The following DPP4 variants were observed in gnomAD, a reference collection of about 807,000 sequenced individuals.
DPP4 encodes ADCP-2.
Under a neutral mutation model 122.4 loss-of-function variants are expected in DPP4, and 93 were observed. That is an observed-to-expected ratio of 0.76 (90% CI 0.64 to 0.90). The LOEUF (loss-of-function observed/expected upper bound fraction) is 0.90, where lower values mean the gene tolerates loss of function less well. Among genes scored for constraint, DPP4 ranks in the 40% least tolerant of loss-of-function variants. DPP4 has a pLI of 0.00. For synonymous variants in DPP4, 321 were observed against 302.9 expected (o/e 1.06, Z -0.62); for missense variants, 914 against 907.3 (o/e 1.01, Z -0.09).
rs558831167 is a variant in DPP4 at position 162,019,351 on chromosome 2, C to T, written c.1245-75G>A. Reference sequence around the variant, plus strand: ...TCAGAGGCGATCCACCGCACTCAGACCCCAAGCCTAAGTGTGCACGGAGCG... The same window carrying T: ...TCAGAGGCGATCCACCGCACTCAGATCCCAAGCCTAAGTGTGCACGGAGCG... On this transcript the variant is annotated intron_variant, in intron 14 of 25. Coordinates refer to ENST00000360534, the MANE Select transcript of DPP4 (RefSeq NM_001935.4). 4.7e-6 allele frequency: 5 copies of T among 1,057,820 alleles called. No individual in the cohort carries two copies. The African/African-American group carries it at 4.9e-5, about 10-fold the overall frequency. 65.5% of individuals were successfully genotyped at this position (1,057,820 alleles called of 1,614,324 possible). A position where few individuals can be genotyped will look rare whatever the true frequency, so the allele number is the denominator to read the frequency against.
chr2:162,017,128 T>C lies in DPP4; in HGVS notation c.1448A>G (p.His483Arg), dbSNP rs764110404. The C allele has an allele frequency of 5.6e-6, 9 of 1,612,296 alleles. No homozygotes were observed. In the South Asian group the frequency reaches 9.9e-5, roughly 18 times the overall value. ...SGPGLPLYTL[H>R]SSVNDKGLRV... ...AATACCTTTATCATTCACGCTGCTG[T>C]GTAGAGTATAGAGGGGCAGACCAGG... The change falls in exon 17 of 26, where the codon CAC (histidine) becomes CGC (arginine). Residue 483 changes from histidine (H) to arginine (R), a missense_variant. Coordinates refer to ENST00000360534, the MANE Select transcript of DPP4 (RefSeq NM_001935.4).
chr2:162,066,886 C>T (rs1239258226), intron 2 of DPP4, among the ~76,000 whole-genome samples: 2 of 152,148 alleles, frequency 1.3e-5, no homozygotes, highest in Non-Finnish European at 2.9e-5. Context: ...AGAGCAAGAA[C>T]TCACTCACCC....
chr2:162,014,746 G>A (rs868318059), intron 18 of DPP4, among the ~76,000 whole-genome samples: 1 of 151,980 alleles, frequency 6.6e-6, no homozygotes, highest in Non-Finnish European at 1.5e-5. Flanking sequence ...AATTTCTAAT[G>A]TTTTGTTTTT....
chr2:162,063,871 T>G (rs1425419662), intron 2 of DPP4, among the ~76,000 whole-genome samples: 2 of 152,228 alleles, frequency 1.3e-5, no homozygotes, highest in East Asian at 3.9e-4. Flanking sequence ...TATGAGACAC[T>G]ACTGTATGTT....
At chr2:162,036,259 T>C (rs1683765109) in intron 8 of DPP4, among the ~76,000 whole-genome samples, 1 of 152,196 alleles carries the variant, frequency 6.6e-6, no homozygotes, top group African/African-American at 2.4e-5. Context: ...TCTAATCAGT[T>C]TTCAGATGCC....
intron 23 of DPP4, among the ~76,000 whole-genome samples, chr2:162,001,179 C>G (rs922014058): frequency 6.6e-6 from 1 of 152,056 alleles, no homozygotes; most frequent in South Asian, 2.1e-4. Flanking sequence ...TTTGTGTGTC[C>G]GTAAAATAGA....
intron 19 of DPP4, 111 bp downstream of exon 19, chr2:162,014,284 TG>T: frequency 6.1e-6 from 5 of 824,080 alleles, no homozygotes. Flanking sequence ...TAGTAAACAG[TG>T]ATCCAGGAAG....
At chr2:162,029,636 C>T (rs1292115162) in intron 10 of DPP4, among the ~76,000 whole-genome samples, 2 of 152,228 alleles carry the variant, frequency 1.3e-5, no homozygotes, top group Admixed American at 1.3e-4. Context: ...GGCCAGGGGT[C>T]GTAACAGTTC....
intron 10 of DPP4, among the ~76,000 whole-genome samples, chr2:162,028,465 T>G (rs1485183483): frequency 6.6e-6 from 1 of 152,226 alleles, no homozygotes; most frequent in Non-Finnish European, 1.5e-5. Context: ...TCATCTATGC[T>G]TTGCATACTG....
chr2:162,062,333 A>G (rs1459115825), intron 2 of DPP4, among the ~76,000 whole-genome samples: 2 of 152,194 alleles, frequency 1.3e-5, no homozygotes, highest in African/African-American at 4.8e-5. Flanking sequence ...TATATTATTA[A>G]TGGTTTTCTA....
chr2:162,062,345 T>C (rs1684804740), intron 2 of DPP4, among the ~76,000 whole-genome samples: 1 of 152,236 alleles, frequency 6.6e-6, no homozygotes. Flanking sequence ...GGTTTTCTAT[T>C]GCTATGTAAC....
chr2:161,995,683 G>A (rs776883502), intron 23 of DPP4, among the ~76,000 whole-genome samples: 17 of 152,178 alleles, frequency 1.1e-4, no homozygotes, highest in Non-Finnish European at 1.9e-4. Context: ...CTATGCATTA[G>A]CACAGGGCAG....
At chr2:162,072,454 T>C (rs922385642) in intron 2 of DPP4, among the ~76,000 whole-genome samples, 7 of 152,238 alleles carry the variant, frequency 4.6e-5, no homozygotes, top group East Asian at 1.9e-4. Context: ...ACAGCAAGCA[T>C]GGTTTTCATA....
chr2:162,072,271 G>T (rs1206338562), intron 2 of DPP4, among the ~76,000 whole-genome samples: 1 of 152,212 alleles, frequency 6.6e-6, no homozygotes, highest in East Asian at 1.9e-4. Flanking sequence ...TACACAAAGA[G>T]TTGCTTTATG....
chr2:162,019,293 A>G lies in DPP4; in HGVS notation c.1245-17T>C. ...ATGTAGTATCTAGGAAGAGAAAAAA[A>G]TGAAATATATATTAATTATGTTTTT... On this transcript the variant is annotated splice_polypyrimidine_tract_variant and intron_variant, in intron 14 of 25. Coordinates refer to ENST00000360534, the MANE Select transcript of DPP4 (RefSeq NM_001935.4). 7.0e-7 allele frequency: 1 copy of G among 1,435,922 alleles called. No homozygotes were observed. Among genetic ancestry groups the G allele is most frequent in the Non-Finnish European group, 9.7e-7 (1 of 1,035,210 alleles). The allele number at this position is 1,435,922 out of a possible 1,614,324, so 88.9% of individuals were successfully genotyped here.
At chr2:162,044,823 G>A (rs982119005) in intron 5 of DPP4, among the ~76,000 whole-genome samples, 2 of 152,240 alleles carry the variant, frequency 1.3e-5, no homozygotes, top group Non-Finnish European at 2.9e-5. Context: ...GAATCTTTAC[G>A]ATCTGTGGTG....
intron 16 of DPP4, chr2:162,017,492 C>T (rs576990878): frequency 3.6e-5 from 8 of 220,696 alleles, no homozygotes; most frequent in African/African-American, 1.8e-4. Context: ...ACATCCTTCC[C>T]CACTCTAAAT....
At chr2:162,031,216 G>A (rs1020546045) in intron 10 of DPP4, among the ~76,000 whole-genome samples, 12 of 152,228 alleles carry the variant, frequency 7.9e-5, no homozygotes, top group African/African-American at 2.2e-4. Context: ...TCTGAGCCTC[G>A]GTTCTCTCAC....
chr2:162,025,428 G>A (rs1683291160), intron 10 of DPP4, among the ~76,000 whole-genome samples: 1 of 151,900 alleles, frequency 6.6e-6, no homozygotes, highest in African/African-American at 2.4e-5. Context: ...TTTCAAAGGG[G>A]AAAAAATTGA....
Sources: allele counts gnomAD v4.1 joint callset (sites outside exome capture counted in the v4.1 genomes callset), GRCh38; gene constraint gnomAD v4.1.1; transcripts MANE v1.5; gene names NCBI Gene and HGNC (gene_info 2026-07-23, HGNC 2026-07-21).